The following GBE1 variants were observed in gnomAD, a reference collection of about 807,000 sequenced individuals.
The protein encoded by GBE1 is 1,4-alpha-glucan branching enzyme 1.
Under a neutral mutation model 88.8 loss-of-function variants are expected in GBE1, and 70 were observed. That is an observed-to-expected ratio of 0.79 (90% CI 0.65 to 0.96). The LOEUF (loss-of-function observed/expected upper bound fraction) is 0.96, where lower values mean the gene tolerates loss of function less well. GBE1 is among the 40% of genes least tolerant of loss of function. The probability of loss-of-function intolerance (pLI) is 0.00; values close to 1 mark genes in which losing one functional copy is unlikely to be tolerated. For missense variants in GBE1, 872 were observed against 871.0 expected, an observed-to-expected ratio of 1.00 and a Z score of -0.01; for synonymous variants, 284 against 300.1, an observed-to-expected ratio of 0.95 and a Z score of 0.56.
rs1187314552 is a variant in GBE1 at position 81,743,498 on chromosome 3, AC to A, written c.143+17876del. The A allele has an allele frequency of 4.5e-6, 5 of 1,123,032 alleles. No homozygotes were observed. The African/African-American group carries it at 6.2e-5, about 14-fold the overall frequency. 69.6% of individuals were successfully genotyped at this position (1,123,032 alleles called of 1,614,324 possible). A position where few individuals can be genotyped will look rare whatever the true frequency, so the allele number is the denominator to read the frequency against. On this transcript the variant is annotated intron_variant, in intron 1 of 15. Coordinates refer to ENST00000429644, the MANE Select transcript of GBE1 (RefSeq NM_000158.4). ...TTTTAACAGAGAATCAATCTTTCCA[AC>A]CCCCCTCTCTTACAGGCAAAGACCA...
intron 1 of GBE1, among the ~76,000 whole-genome samples, chr3:81,747,666 C>T (rs987637741): frequency 2.0e-5 from 3 of 152,158 alleles, no homozygotes; most frequent in Non-Finnish European, 4.4e-5. Context: ...GGCCCTGCCC[C>T]GCCTTAGCTG....
intron 12 of GBE1, among the ~76,000 whole-genome samples, chr3:81,562,521 A>C (rs1423119169): frequency 6.6e-6 from 1 of 152,002 alleles, no homozygotes; most frequent in African/African-American, 2.4e-5. Context: ...TTAACCTTAC[A>C]TTTCCCCTAG....
chr3:81,728,462 TC>T (rs1166940908), intron 1 of GBE1, among the ~76,000 whole-genome samples: 33 of 152,222 alleles, frequency 2.2e-4, no homozygotes, highest in African/African-American at 7.7e-4. Flanking sequence ...AATCACATCA[TC>T]CAACTTTTCC....
At chr3:81,755,512 T>C (rs994010764) in intron 1 of GBE1, among the ~76,000 whole-genome samples, 6 of 152,316 alleles carry the variant, frequency 3.9e-5, no homozygotes, top group Middle Eastern at 3.4e-3. Flanking sequence ...TGAAAAGATA[T>C]CTGCACTCCC....
chr3:81,741,513 T>C (rs1013298893), intron 1 of GBE1, among the ~76,000 whole-genome samples: 1 of 152,080 alleles, frequency 6.6e-6, no homozygotes, highest in South Asian at 2.1e-4. Flanking sequence ...AACTATAACC[T>C]AAAAAAGAAG....
At chr3:81,680,452 C>G (rs1384069731) in intron 2 of GBE1, among the ~76,000 whole-genome samples, 1 of 147,046 alleles carries the variant, frequency 6.8e-6, no homozygotes, top group South Asian at 2.1e-4. Context: ...GCTGAGATCA[C>G]GCCACTGCAC....
At chr3:81,666,828 T>C (rs947320456) in intron 3 of GBE1, among the ~76,000 whole-genome samples, 1 of 152,228 alleles carries the variant, frequency 6.6e-6, no homozygotes, top group Non-Finnish European at 1.5e-5. Context: ...ATTTTAGCCT[T>C]ATGATTTTAA....
chr3:81,680,609 G>A (rs974010933), intron 2 of GBE1, among the ~76,000 whole-genome samples: 5 of 151,718 alleles, frequency 3.3e-5, no homozygotes, highest in Non-Finnish European at 4.4e-5. Flanking sequence ...TATCTTTGCT[G>A]TGACTTGCAT....
intron 3 of GBE1, among the ~76,000 whole-genome samples, chr3:81,663,534 C>T (rs1173688340): frequency 6.6e-6 from 1 of 152,110 alleles, no homozygotes; most frequent in Non-Finnish European, 1.5e-5. Context: ...AGAGCTACTT[C>T]CACTCGATAA....
At chr3:81,699,251 T>C (rs1181060969) in intron 2 of GBE1, among the ~76,000 whole-genome samples, 1 of 152,152 alleles carries the variant, frequency 6.6e-6, no homozygotes, top group Admixed American at 6.5e-5. Flanking sequence ...AACGACTCCT[T>C]GAAGGTCTCT....
At chr3:81,673,287 A>C (rs1244099147) in intron 2 of GBE1, among the ~76,000 whole-genome samples, 2 of 151,914 alleles carry the variant, frequency 1.3e-5, no homozygotes, top group Non-Finnish European at 2.9e-5. Context: ...ACTGAAAATA[A>C]AGGGTATAGT....
rs146079034 is a variant in GBE1, at chr3:81,553,271, T to A, written c.1619-16176A>T. On this transcript the variant is annotated intron_variant, in intron 12 of 15. Coordinates refer to ENST00000429644, the MANE Select transcript of GBE1 (RefSeq NM_000158.4). ...TAGCTGTTTAGCCTCTTCAGAGTTT[T>A]TTTTTTAAACTCCTGCAAAAAGGCT... 4.0e-3 allele frequency among the ~76,000 whole-genome samples: 614 copies of A among 152,280 alleles called. 13 individuals are homozygous for A. Among genetic ancestry groups the A allele is most frequent in the Non-Finnish European group, 1.1e-3 (75 of 68,014 alleles).
chr3:81,557,231 TA>T (rs1703360406), intron 12 of GBE1, among the ~76,000 whole-genome samples: 1 of 152,028 alleles, frequency 6.6e-6, no homozygotes, highest in Non-Finnish European at 1.5e-5. Context: ...ACGTTGTTTG[TA>T]AAAAGTGACA....
chr3:81,559,020 T>G (rs1339419664), intron 12 of GBE1, among the ~76,000 whole-genome samples: 3 of 152,164 alleles, frequency 2.0e-5, no homozygotes, highest in Non-Finnish European at 2.9e-5. Context: ...CAAGGAAGAA[T>G]AAAGGAATTA....
chr3:81,679,164 AT>A (rs1705303407), intron 2 of GBE1, among the ~76,000 whole-genome samples: 1 of 152,200 alleles, frequency 6.6e-6, no homozygotes, highest in Admixed American at 6.5e-5. Context: ...TAATAAAAAA[AT>A]AAAAATGAAT....
chr3:81,746,343 G>T (rs1706420345), intron 1 of GBE1, among the ~76,000 whole-genome samples: 1 of 152,062 alleles, frequency 6.6e-6, no homozygotes, highest in Admixed American at 6.6e-5. Flanking sequence ...GCTCACTGCA[G>T]CATTGACTTC....
intron 2 of GBE1, among the ~76,000 whole-genome samples, chr3:81,684,743 C>T (rs569754395): frequency 3.3e-5 from 5 of 152,176 alleles, no homozygotes; most frequent in Admixed American, 2.6e-4. Context: ...ATCAAAATTT[C>T]TCTATGGAAT....
intron 12 of GBE1, 110 bp from the exon 13 acceptor site, chr3:81,537,205 T>A (rs1231030550): frequency 1.4e-6 from 1 of 724,026 alleles, no homozygotes; most frequent in Non-Finnish European, 2.0e-6. Flanking sequence ...GTTTAGGCTA[T>A]CATTTACTAG....
At chr3:81,593,535 A>G (rs1411927177) in intron 8 of GBE1, among the ~76,000 whole-genome samples, 1 of 151,926 alleles carries the variant, frequency 6.6e-6, no homozygotes, top group African/African-American at 2.4e-5. Flanking sequence ...TAAATCTGCA[A>G]TTAAAATACA....
Sources: allele counts gnomAD v4.1 joint callset (sites outside exome capture counted in the v4.1 genomes callset), GRCh38; gene constraint gnomAD v4.1.1; transcripts MANE v1.5; gene names NCBI Gene and HGNC (gene_info 2026-07-23, HGNC 2026-07-21).